PAX3: variants seen among roughly 807,000 people sequenced by gnomAD.
PAX3 encodes the protein paired box 3.
PAX3 carries 14 observed loss-of-function variants against 51.6 expected under a neutral mutation model. The observed-to-expected ratio is 0.27, with a 90% CI of 0.18 to 0.42. PAX3 has a LOEUF of 0.42. PAX3 is among the 10% of genes least tolerant of loss of function. The pLI is 1.00. For missense variants in PAX3, 540 were observed against 642.8 expected (o/e 0.84, Z 1.73); for synonymous variants, 280 against 253.4 (o/e 1.11, Z -1.00).
intron 7 of PAX3, among the ~76,000 whole-genome samples, chr2:222,217,550 C>A (rs947891781): frequency 6.6e-6 from 1 of 151,932 alleles, no homozygotes; most frequent in African/African-American, 2.4e-5. Flanking sequence ...ATTAGATAAC[C>A]AGACAGAGGT....
intron 3 of PAX3, 60 bp downstream of exon 3, chr2:222,295,468 C>T (rs1036270220): frequency 7.5e-6 from 12 of 1,594,064 alleles, no homozygotes; most frequent in South Asian, 2.2e-5. Context: ...TCTGGGTCGA[C>T]GTGCCGGGGT....
rs1574775919 is a variant in PAX3 at position 222,298,674 on chromosome 2, T to G, written c.-59A>C. The G allele has an allele frequency of 6.7e-7, 1 of 1,488,544 alleles. No individual in the cohort carries two copies. Among genetic ancestry groups the G allele is most frequent in the Non-Finnish European group, 9.2e-7 (1 of 1,089,160 alleles). The allele number at this position is 1,488,544 out of a possible 1,614,324, so 92.2% of individuals were successfully genotyped here. ...GGTGAAGGCGAAACGGAAAGGCGAG[T>G]GCGGCGCGGATGACCCTCGGGAACT... On this transcript the variant is annotated 5_prime_UTR_variant, in exon 1 of 9. Coordinates refer to ENST00000392070, the MANE Select transcript of PAX3 (RefSeq NM_181458.4).
intron 5 of PAX3, among the ~76,000 whole-genome samples, chr2:222,228,935 T>C (rs1376045733): frequency 6.6e-6 from 1 of 152,084 alleles, no homozygotes; most frequent in Non-Finnish European, 1.5e-5. Flanking sequence ...AGTGAGACTC[T>C]GTCTCAAAAA....
chr2:222,240,981 T>TAATC (rs1323948253), intron 4 of PAX3, among the ~76,000 whole-genome samples: 3 of 152,216 alleles, frequency 2.0e-5, no homozygotes, highest in Non-Finnish European at 2.9e-5. Context: ...ATTAATTAAT[T>TAATC]AATCAGCTAA....
intron 4 of PAX3, among the ~76,000 whole-genome samples, chr2:222,236,937 T>G: frequency 6.6e-6 from 1 of 152,210 alleles, no homozygotes. Flanking sequence ...GGAAATTTCA[T>G]TGCTTTAAAT....
At chr2:222,209,146 T>C (rs1180480645) in intron 7 of PAX3, among the ~76,000 whole-genome samples, 4 of 152,152 alleles carry the variant, frequency 2.6e-5, no homozygotes, top group Non-Finnish European at 5.9e-5. Context: ...TCTAACAACA[T>C]GTAGGGAAGA....
In PAX3 at chr2:222,293,991, G is replaced by A. The variant is rs142481857; in HGVS notation, c.586+176C>T. On this transcript the variant is annotated intron_variant, in intron 4 of 8. Coordinates refer to ENST00000392070, the MANE Select transcript of PAX3 (RefSeq NM_181458.4). ...TAAGCAGAATAGAAATGTTTGTTTT[G>A]ATTCCTAGTGTCCCTCTGGTCTTTC... 542 of 1,530,166 alleles carry A rather than the reference G, an allele frequency of 3.5e-4. 4 individuals carry two copies. The African/African-American group carries it at 6.9e-3, about 20-fold the overall frequency. The allele number at this position is 1,530,166 out of a possible 1,614,324, so 94.8% of individuals were successfully genotyped here. A position where few individuals can be genotyped will look rare whatever the true frequency, so the allele number is the denominator to read the frequency against.
intron 4 of PAX3, among the ~76,000 whole-genome samples, chr2:222,235,008 C>T (rs1692746448): frequency 6.6e-6 from 1 of 152,142 alleles, no homozygotes; most frequent in African/African-American, 2.4e-5. Context: ...CTTGTACATT[C>T]TCTTACTATG....
At chr2:222,272,988 T>A (rs1694303739) in intron 4 of PAX3, among the ~76,000 whole-genome samples, 1 of 152,230 alleles carries the variant, frequency 6.6e-6, no homozygotes, top group Non-Finnish European at 1.5e-5. Context: ...ACCGTATTCA[T>A]GTTCATTGTG....
At chr2:222,266,956 T>C (rs1266622551) in intron 4 of PAX3, among the ~76,000 whole-genome samples, 2 of 152,254 alleles carry the variant, frequency 1.3e-5, no homozygotes, top group Non-Finnish European at 2.9e-5. Context: ...TAACTGTAAG[T>C]CTGCTCTGTA....
Position 222,294,204 on chromosome 2 carries a change from C to G in PAX3, c.549G>C (p.Lys183Asn). The change falls in exon 4 of 9, where the codon AAG becomes AAC. Residue 183 changes from lysine to asparagine, a missense_variant. Coordinates refer to ENST00000392070, the MANE Select transcript of PAX3 (RefSeq NM_181458.4). ...ERKEAEESEK[K>N]AKHSIDGILS... ...GGATGCCGTCGATGCTGTGTTTGGC[C>G]TTCTTCTCGCTTTCCTCTGCCTCCT... is the stretch of plus-strand genomic sequence containing the variant. 1 of 1,614,078 alleles carries G rather than the reference C, an allele frequency of 6.2e-7. No homozygotes were observed. Among genetic ancestry groups the G allele is most frequent in the East Asian group, 2.2e-5 (1 of 44,890 alleles).
intron 4 of PAX3, chr2:222,293,547 C>G: frequency 7.2e-7 from 1 of 1,392,268 alleles, no homozygotes; most frequent in South Asian, 1.2e-5. Context: ...CAATTTGTAA[C>G]CCAGAGCTTG....
At chr2:222,222,423 T>TG (rs1475673392) in intron 5 of PAX3, among the ~76,000 whole-genome samples, 2 of 151,478 alleles carry the variant, frequency 1.3e-5, no homozygotes, top group Admixed American at 6.6e-5. Flanking sequence ...TTTTTTTTTT[T>TG]GAGACAGTCT....
At chr2:222,206,837 A>G (rs990047469) in intron 7 of PAX3, among the ~76,000 whole-genome samples, 17 of 152,166 alleles carry the variant, frequency 1.1e-4, no homozygotes, top group African/African-American at 3.9e-4. Flanking sequence ...AAGTGCCTGA[A>G]GCTTATCAGA....
chr2:222,221,593 C>A (rs569359667), intron 5 of PAX3: 2 of 547,718 alleles, frequency 3.7e-6, no homozygotes, highest in East Asian at 6.6e-5. Context: ...GCTTCAGGGA[C>A]CCACCATGAT....
chr2:222,210,453 G>C (rs1035421877), intron 7 of PAX3, among the ~76,000 whole-genome samples: 2 of 151,940 alleles, frequency 1.3e-5, no homozygotes, highest in African/African-American at 4.8e-5. Context: ...AAGATGGACT[G>C]TATATTTTCA....
rs143296379 is a variant in PAX3 at position 222,296,825 on chromosome 2, T to TAC, written c.321+151_321+152dup. Among the ~76,000 whole-genome samples the TAC allele has an allele frequency of 2.2e-4, 33 of 152,308 alleles. No homozygotes were observed. In the South Asian group the frequency reaches 3.1e-3, roughly 14 times the overall value. On this transcript the variant is annotated intron_variant, in intron 2 of 8. Transcript: ENST00000392070. ...GAAGTGTCCAGGGCGCGTGCACACG[T>TAC]ACACACACACACGCGCGCCTTTACG...
rs28546421 is a variant in PAX3 at position 222,295,399 on chromosome 2, G to T, written c.451+129C>A. 183,062 of 1,093,328 alleles carry T rather than the reference G, an allele frequency of 0.17. 17,343 individuals are homozygous for T. The highest frequency in any genetic ancestry group is 0.19 in the Non-Finnish European group (138,564 of 721,702). 67.7% of individuals were successfully genotyped at this position (1,093,328 alleles called of 1,614,324 possible). ...CAAGAACACCGGGTTGGCAAATATT[G>T]CAGGGCCTCGGGAGAGGCCACCTCC... is the stretch of plus-strand genomic sequence containing the variant. On this transcript the variant is annotated intron_variant, in intron 3 of 8. Coordinates refer to ENST00000392070, the MANE Select transcript of PAX3 (RefSeq NM_181458.4).
At position 222,220,382 on chromosome 2, in the gene PAX3, A is replaced by G. The variant is rs553899131; in HGVS notation, c.959-28T>C. On this transcript the variant is annotated intron_variant, in intron 6 of 8. Coordinates refer to ENST00000392070, the MANE Select transcript of PAX3 (RefSeq NM_181458.4). ...GAAATGAAAAAGATTGTCAACCATCATGTTTTCTTTTAGGCCAGCAGAGAA... is the reference window on the plus strand; with the variant it reads ...GAAATGAAAAAGATTGTCAACCATCGTGTTTTCTTTTAGGCCAGCAGAGAA... 4.8e-5 allele frequency: 78 copies of G among 1,610,110 alleles called. No individual in the cohort carries two copies. In the East Asian group the frequency reaches 1.5e-3, roughly 32 times the overall value.
Sources: allele counts gnomAD v4.1 joint callset (sites outside exome capture counted in the v4.1 genomes callset), GRCh38; gene constraint gnomAD v4.1.1; transcripts MANE v1.5; gene names NCBI Gene and HGNC (gene_info 2026-07-23, HGNC 2026-07-21).